The following MEI4 variants were observed in gnomAD, a reference collection of about 807,000 sequenced individuals.
MEI4 encodes the protein meiotic double-stranded break formation protein 4.
Under a neutral mutation model 31.4 loss-of-function variants are expected in MEI4, and 27 were observed. The ratio of observed to expected loss-of-function variants is 0.86; its 90% confidence interval spans 0.63 to 1.19. MEI4 has a LOEUF of 1.19. MEI4 is among the 50% of genes most tolerant of loss of function. The probability of loss-of-function intolerance (pLI) is 0.00; values close to 1 mark genes in which losing one functional copy is unlikely to be tolerated. For missense variants in MEI4, 329 were observed against 398.9 expected, an observed-to-expected ratio of 0.82 and a Z score of 1.49; for synonymous variants, 122 against 145.4, an observed-to-expected ratio of 0.84 and a Z score of 1.16.
intron 4 of MEI4, among the ~76,000 whole-genome samples, chr6:77,868,215 TA>T (rs371736808): frequency 3.2e-3 from 404 of 124,648 alleles, no homozygotes; most frequent in Non-Finnish European, 5.4e-3. Flanking sequence ...AGCATAATAA[TA>T]AAAAAAAATT....
At chr6:77,843,802 A>G (rs1258760433) in intron 4 of MEI4, among the ~76,000 whole-genome samples, 2 of 152,118 alleles carry the variant, frequency 1.3e-5, no homozygotes, top group Non-Finnish European at 2.9e-5. Flanking sequence ...ACATTTAAAA[A>G]TAATCATTAA....
chr6:77,821,948 C>T (rs1769836431), intron 3 of MEI4, among the ~76,000 whole-genome samples: 1 of 151,940 alleles, frequency 6.6e-6, no homozygotes, highest in Admixed American at 6.6e-5. Context: ...AGTCTCTCTC[C>T]TACTTAATAA....
At chr6:77,770,025 TG>T (rs1768272900) in intron 3 of MEI4, among the ~76,000 whole-genome samples, 1 of 151,734 alleles carries the variant, frequency 6.6e-6, no homozygotes, top group South Asian at 2.1e-4. Context: ...TTGGCCGCAG[TG>T]GGGTAGAGCA....
intron 3 of MEI4, among the ~76,000 whole-genome samples, chr6:77,773,130 T>C (rs779247729): frequency 8.6e-5 from 13 of 151,960 alleles, no homozygotes; most frequent in Non-Finnish European, 1.5e-4. Context: ...AAGCAATCTA[T>C]AGAGTCATTG....
At chr6:77,728,847 T>C (rs1766895605) in intron 2 of MEI4, among the ~76,000 whole-genome samples, 1 of 152,164 alleles carries the variant, frequency 6.6e-6, no homozygotes, top group Non-Finnish European at 1.5e-5. Context: ...GGTAGGACTT[T>C]CAATACAGTG....
At chr6:77,879,014 A>G (rs1048530931) in intron 4 of MEI4, among the ~76,000 whole-genome samples, 2 of 152,144 alleles carry the variant, frequency 1.3e-5, no homozygotes, top group Non-Finnish European at 2.9e-5. Flanking sequence ...ATTTTTTTCA[A>G]TGTTGCTGAG....
chr6:77,893,793 T>A (rs558745306), intron 4 of MEI4, among the ~76,000 whole-genome samples: 1 of 152,294 alleles, frequency 6.6e-6, no homozygotes, highest in South Asian at 2.1e-4. Context: ...CTGTGACAGA[T>A]AAATTGCCCC....
chr6:77,747,353 CTG>C (rs1767639787), intron 2 of MEI4, among the ~76,000 whole-genome samples: 1 of 152,066 alleles, frequency 6.6e-6, no homozygotes, highest in African/African-American at 2.4e-5. Context: ...TGCCTGGAGA[CTG>C]TATAGTTTAC....
At chr6:77,744,441 C>A (rs547303406) in intron 2 of MEI4, among the ~76,000 whole-genome samples, 1 of 152,142 alleles carries the variant, frequency 6.6e-6, no homozygotes, top group South Asian at 2.1e-4. Context: ...AAGAAACAAA[C>A]AAAGCCTCCG....
chr6:77,793,113 T>G (rs1198205400), intron 3 of MEI4, among the ~76,000 whole-genome samples: 1 of 152,142 alleles, frequency 6.6e-6, no homozygotes, highest in Non-Finnish European at 1.5e-5. Flanking sequence ...TTTTTTTTTC[T>G]GAGCTTGCTA....
chr6:77,731,313 T>C (rs113173742), intron 2 of MEI4, among the ~76,000 whole-genome samples: 27,010 of 145,388 alleles, frequency 0.19, 2,252 homozygotes, highest in African/African-American at 0.26. Flanking sequence ...TTTTAATGAT[T>C]GCCATTCTAA....
rs139888974 is a variant in MEI4 at position 77,820,631 on chromosome 6, T to A, written c.769-8300T>A. On this transcript the variant is annotated intron_variant, in intron 3 of 4. Transcript: ENST00000684080. The surrounding 1 kb of genome is among the most constrained non-coding windows in gnomAD (Gnocchi z 4.5). ...GTTAAAATGACTCATATTCATACAT[T>A]GAAAACGTCTTATTTTCTCTTTGTT... Among the ~76,000 whole-genome samples, 9 of 152,320 alleles carry A rather than the reference T, an allele frequency of 5.9e-5. No homozygotes were observed. The highest frequency in any genetic ancestry group is 2.2e-4 in the African/African-American group (9 of 41,572).
chr6:77,798,616 A>G (rs936936006), intron 3 of MEI4, among the ~76,000 whole-genome samples: 2 of 148,338 alleles, frequency 1.3e-5, no homozygotes, highest in African/African-American at 4.9e-5. Context: ...AGCATTAGGT[A>G]TATCTCCTAA....
intron 4 of MEI4, among the ~76,000 whole-genome samples, chr6:77,862,259 G>A (rs2127721521): frequency 6.6e-6 from 1 of 152,294 alleles, no homozygotes; most frequent in Non-Finnish European, 1.5e-5. Flanking sequence ...CTGAGCATGA[G>A]CCGAAGCAGG....
chr6:77,772,259 A>G (rs1271441021), intron 3 of MEI4, among the ~76,000 whole-genome samples: 1 of 92,054 alleles, frequency 1.1e-5, no homozygotes. Context: ...GACACATCAA[A>G]AAAAAAAAAA....
chr6:77,778,079 T>C (rs1768501540), intron 3 of MEI4, among the ~76,000 whole-genome samples: 1 of 136,172 alleles, frequency 7.3e-6, no homozygotes, highest in Admixed American at 9.0e-5. Flanking sequence ...AGTAATGATA[T>C]AGCAAAATTA....
chr6:77,815,865 A>G (rs1769676867), intron 3 of MEI4, among the ~76,000 whole-genome samples: 1 of 151,784 alleles, frequency 6.6e-6, no homozygotes, highest in African/African-American at 2.4e-5. Flanking sequence ...AAAATTAAGA[A>G]CATGACTTGA....
chr6:77,874,397 C>T (rs896749092), intron 4 of MEI4, among the ~76,000 whole-genome samples: 3 of 152,060 alleles, frequency 2.0e-5, no homozygotes, highest in Non-Finnish European at 4.4e-5. Flanking sequence ...CATGATTCAG[C>T]TCTCTGTTTG....
chr6:77,844,420 C>G lies in MEI4; in HGVS notation c.900+15358C>G, dbSNP rs192274670. Among the ~76,000 whole-genome samples the G allele has an allele frequency of 6.5e-3, 986 of 152,218 alleles. 8 individuals carry two copies. The highest frequency in any genetic ancestry group is 0.011 in the Non-Finnish European group (743 of 68,018). On this transcript the variant is annotated intron_variant, in intron 4 of 4. Transcript: ENST00000684080. ...CCAAGCCTTAAGAACATAACAGAAGCCTTCCATCAATATATGAATACACTG... is the reference window on the plus strand; with the variant it reads ...CCAAGCCTTAAGAACATAACAGAAGGCTTCCATCAATATATGAATACACTG...
Sources: allele counts gnomAD v4.1 joint callset (sites outside exome capture counted in the v4.1 genomes callset), GRCh38; gene constraint gnomAD v4.1.1; non-coding constraint Gnocchi (gnomAD v3.1); transcripts MANE v1.5; gene names NCBI Gene and HGNC (gene_info 2026-07-23, HGNC 2026-07-21).